Variants in CACNA1A observed in about 807,000 individuals in gnomAD.
CACNA1A encodes the protein calcium voltage-gated channel subunit alpha1 A.
CACNA1A carries 57 observed loss-of-function variants against 262.4 expected under a neutral mutation model. The ratio of observed to expected loss-of-function variants is 0.22; its 90% CI spans 0.18 to 0.27. The LOEUF (loss-of-function observed/expected upper bound fraction) is 0.27. Ranked by LOEUF, CACNA1A falls within the 10% of genes least tolerant of loss-of-function variation. The pLI is 1.00. For missense variants in CACNA1A, 2,526 were observed against 3,562.8 expected, an observed-to-expected ratio of 0.71 and a Z score of 7.41; for synonymous variants, 1,431 against 1,419.3, an observed-to-expected ratio of 1.01 and a Z score of -0.18.
At position 13,277,423 on chromosome 19, in the gene CACNA1A, C is replaced by A. The variant is rs16978961; in HGVS notation, c.3823-295G>T. On this transcript the variant is annotated intron_variant, in intron 22 of 46. Coordinates refer to ENST00000360228, the MANE Select transcript of CACNA1A (RefSeq NM_001127222.2). ...CGGGAAGGGTACCTTTTAAAATTTGCCCCAAGCCCTGTAGTGGATTAGAAG... is the reference window on the plus strand; with the variant it reads ...CGGGAAGGGTACCTTTTAAAATTTGACCCAAGCCCTGTAGTGGATTAGAAG... 15,405 of 272,814 alleles carry A rather than the reference C, an allele frequency of 0.056. 534 individuals are homozygous for A. Among genetic ancestry groups the A allele is most frequent in the African/African-American group, 0.094 (4,337 of 45,944 alleles). The allele number at this position is 272,814 out of a possible 1,614,324, so 16.9% of individuals were successfully genotyped here. A position where few individuals can be genotyped will look rare whatever the true frequency, so the allele number is the denominator to read the frequency against.
intron 6 of CACNA1A, among the ~76,000 whole-genome samples, chr19:13,343,421 G>C (rs751221036): frequency 8.5e-5 from 13 of 152,124 alleles, no homozygotes; most frequent in Non-Finnish European, 1.6e-4. Context: ...ACTGCACCCA[G>C]CCTCCTTCTG....
chr19:13,209,140 T>C (rs1264267602), intron 45 of CACNA1A, 131 bp from the exon 46 acceptor site: 4 of 1,393,498 alleles, frequency 2.9e-6, no homozygotes, highest in African/African-American at 1.4e-5. Flanking sequence ...GGTCAGTGGG[T>C]TGGGGGGAGG....
At chr19:13,480,555 G>A (rs114925605) in intron 1 of CACNA1A, among the ~76,000 whole-genome samples, 1,616 of 152,210 alleles carry the variant, frequency 0.011, 25 homozygotes, top group African/African-American at 0.036. Flanking sequence ...CAGGCTGGGT[G>A]CGGGGGCTCA....
chr19:13,277,034 A>T, intron 23 of CACNA1A, 35 bp downstream of exon 23: 1 of 1,519,206 alleles, frequency 6.6e-7, no homozygotes, highest in Non-Finnish European at 9.1e-7. Flanking sequence ...AAAAAAAAAA[A>T]TTACCGTGTG....
chr19:13,385,636 G>A (rs894322915), intron 3 of CACNA1A, among the ~76,000 whole-genome samples: 5 of 152,074 alleles, frequency 3.3e-5, no homozygotes, highest in Non-Finnish European at 5.9e-5. Flanking sequence ...TGGAACTATA[G>A]GCCTAAGCCA....
intron 5 of CACNA1A, chr19:13,364,478 C>T (rs1382945452): frequency 6.6e-6 from 1 of 152,168 alleles, no homozygotes; most frequent in African/African-American, 2.4e-5. Flanking sequence ...TCTGAAAGCA[C>T]CCAGAATACC....
At chr19:13,475,725 G>T (rs1299788994) in intron 1 of CACNA1A, among the ~76,000 whole-genome samples, 1 of 152,194 alleles carries the variant, frequency 6.6e-6, no homozygotes, top group African/African-American at 2.4e-5. Context: ...CTTGGCAGGA[G>T]TTGAGAATTA....
chr19:13,363,870 A>G (rs1387947045), intron 5 of CACNA1A: 2 of 152,236 alleles, frequency 1.3e-5, no homozygotes, highest in Non-Finnish European at 2.9e-5. Flanking sequence ...TGGTCCAAAT[A>G]CTGAAATACT....
Position 13,286,674 on chromosome 19 carries a change from G to T in CACNA1A, c.3382C>A (p.Pro1128Thr). ...GGGCCGGGATTGGATGGGTTCCCCG[G>T]GTTGTTGGGCGTCCGGCGGCTGGCG... is the stretch of plus-strand genomic sequence containing the variant. ...NAASRRTPNN[P>T]GNPSNPGPPK... Residue 1128 changes from proline to threonine, a missense_variant, in exon 20 of 47, where the codon CCG (proline) becomes ACG (threonine). By Grantham distance (38) the Pro-to-Thr change is conservative (BLOSUM62 -1). Around this residue, in one of 17 missense-constraint regions of CACNA1A, gnomAD observed 765 missense variants for 748.6 expected, o/e 1.02. Transcript: ENST00000360228. 1 of 1,566,768 alleles carries T rather than the reference G, an allele frequency of 6.4e-7. No homozygotes were observed. Among genetic ancestry groups the T allele is most frequent in the Non-Finnish European group, 8.7e-7 (1 of 1,155,408 alleles).
chr19:13,423,491 G>A (rs1599421483), intron 3 of CACNA1A, among the ~76,000 whole-genome samples: 1 of 151,978 alleles, frequency 6.6e-6, no homozygotes, highest in Non-Finnish European at 1.5e-5. Flanking sequence ...GAATCCCAGA[G>A]AGAATTTTCT....
chr19:13,330,078 T>G lies in CACNA1A; in HGVS notation c.1345+166A>C, dbSNP rs544051108. ...AATGAGAAGCTAGGCACGGATGTTA[T>G]TCCCATAATGATGTAATCTGCCCAG... is the stretch of plus-strand genomic sequence containing the variant. On this transcript the variant is annotated intron_variant, in intron 10 of 46. Transcript: ENST00000360228. 2.6e-5 allele frequency among the ~76,000 whole-genome samples: 4 copies of G among 152,288 alleles called. No homozygotes were observed. In the East Asian group the frequency reaches 5.8e-4, roughly 22 times the overall value.
At position 13,210,639 on chromosome 19, in the gene CACNA1A, C is replaced by A. The variant is rs373229577; in HGVS notation, c.6317G>T (p.Arg2106Leu). The A allele has an allele frequency of 6.4e-7, 1 of 1,564,982 alleles. No homozygotes were observed. ...LPAENQRRRG[R>L]PRGNNLSTIS... The stretch of plus-strand genomic sequence containing the variant: ...TACACTGAGGTTATTCCCACGTGGC[C>A]GGCCCCTTCTCCTCTGTCACAGCCC... The change falls in exon 44 of 47, where the codon CGG becomes CTG. Residue 2106 changes from arginine (R) to leucine (L), a missense_variant. Arg to Leu is a moderately radical substitution (Grantham distance 102, BLOSUM62 -2). This residue lies in a region of CACNA1A where 929 missense variants were observed against 868.1 expected (regional missense o/e 1.07). Transcript: ENST00000360228.
At chr19:13,431,942 T>C (rs1017726922) in intron 3 of CACNA1A, among the ~76,000 whole-genome samples, 3 of 151,394 alleles carry the variant, frequency 2.0e-5, no homozygotes, top group Non-Finnish European at 4.4e-5. Flanking sequence ...CTGTCCCTAC[T>C]AAAAATACAA....
chr19:13,208,313 T>G (rs960834268), intron 46 of CACNA1A, among the ~76,000 whole-genome samples: 4 of 150,268 alleles, frequency 2.7e-5, no homozygotes, highest in Non-Finnish European at 5.9e-5. Flanking sequence ...CACAACAAAG[T>G]GAAAAGAGAA....
chr19:13,374,993 C>T (rs1599314887), intron 3 of CACNA1A, among the ~76,000 whole-genome samples: 3 of 152,244 alleles, frequency 2.0e-5, no homozygotes, highest in African/African-American at 7.2e-5. Flanking sequence ...TTTCATTGTG[C>T]TTTGCTTTAT....
At chr19:13,344,073 G>T (rs2058719536) in intron 6 of CACNA1A, among the ~76,000 whole-genome samples, 1 of 151,974 alleles carries the variant, frequency 6.6e-6, no homozygotes, top group South Asian at 2.1e-4. Context: ...AATTAGCTGG[G>T]TGTGGTGCTG....
At chr19:13,422,108 C>T (rs953496547) in intron 3 of CACNA1A, among the ~76,000 whole-genome samples, 4 of 152,092 alleles carry the variant, frequency 2.6e-5, no homozygotes, top group African/African-American at 9.7e-5. Context: ...ACTGCTTGAG[C>T]CCAGGAGTTT....
At chr19:13,223,178 C>T (rs920094665) in intron 38 of CACNA1A, among the ~76,000 whole-genome samples, 1 of 151,908 alleles carries the variant, frequency 6.6e-6, no homozygotes, top group East Asian at 1.9e-4. Flanking sequence ...GCATATGCCA[C>T]CATGTCCAGT....
Position 13,214,583 on chromosome 19 carries a change from G to A in CACNA1A, c.5757C>T (p.Asp1919=), listed in dbSNP as rs368042511. The A allele has an allele frequency of 5.3e-5, 86 of 1,613,862 alleles. No individual in the cohort carries two copies. In the African/African-American group the frequency reaches 9.6e-4, roughly 18 times the overall value. Residue 1919 remains aspartate, a synonymous_variant, in exon 39 of 47, where the codon GAC becomes GAT. Transcript: ENST00000360228. This position sits in a 1 kb window ranked among gnomAD's most constrained non-coding sequence, Gnocchi z 4.1. ...CCATCATCTCCTTCCGCAGCTCAGC[G>A]TCCATCTGCTGTTTGTCGGCTCCTC... ...AKGGADKQQM[D]AELRKEMMAI...
Sources: gnomAD v4.1 joint callset for allele counts (sites outside exome capture counted in the v4.1 genomes callset) on GRCh38, gnomAD v4.1.1 for gene constraint, gnomAD v4.1.1 regional missense constraint, Gnocchi (gnomAD v3.1) non-coding constraint, MANE v1.5 for transcripts, NCBI Gene and HGNC (gene_info 2026-07-23, HGNC 2026-07-21) for gene names.